The following POU2F1 variants were observed in gnomAD, a reference collection of about 807,000 sequenced individuals.
The protein encoded by POU2F1 is POU domain, class 2, transcription factor 1.
Under a neutral mutation model 84.9 loss-of-function variants are expected in POU2F1, and 16 were observed. The ratio of observed to expected loss-of-function variants is 0.19; its 90% CI spans 0.13 to 0.29. POU2F1 has a LOEUF of 0.29. POU2F1 is among the 10% of genes least tolerant of loss of function. The pLI, the probability that POU2F1 is intolerant of heterozygous loss-of-function variation, is 1.00. For synonymous variants in POU2F1, 368 were observed against 368.3 expected (o/e 1.00, Z 0.01); for missense variants, 738 against 942.6 (o/e 0.78, Z 2.84).
chr1:167,282,077 A>G (rs1489552856), intron 1 of POU2F1, among the ~76,000 whole-genome samples: 2 of 151,494 alleles, frequency 1.3e-5, no homozygotes, highest in Non-Finnish European at 2.9e-5. Context: ...CTCCCTCACT[A>G]TTTTCATACT....
At chr1:167,353,959 A>G (rs954350932) in intron 2 of POU2F1, among the ~76,000 whole-genome samples, 10 of 152,182 alleles carry the variant, frequency 6.6e-5, no homozygotes, top group Admixed American at 4.6e-4. Flanking sequence ...TTCCATCTAC[A>G]TATTTATCCT....
chr1:167,293,424 G>A (rs1180124098), intron 1 of POU2F1, among the ~76,000 whole-genome samples: 1 of 152,092 alleles, frequency 6.6e-6, no homozygotes, highest in East Asian at 1.9e-4. Context: ...TAACCAAGGA[G>A]GTGAAAGATC....
chr1:167,384,423 G>C lies in POU2F1; in HGVS notation c.813+472G>C, dbSNP rs61196957. On this transcript the variant is annotated intron_variant, in intron 8 of 15. Coordinates refer to ENST00000367866, the MANE Select transcript of POU2F1 (RefSeq NM_002697.4). ...ACTATAATTATATTAAAAAAATTTA[G>C]ACATATAAAGGTTTAAATTATAGAC... Among the ~76,000 whole-genome samples, 412 of 152,028 alleles carry C rather than the reference G, an allele frequency of 2.7e-3. 1 individual carries two copies. The highest frequency in any genetic ancestry group is 9.5e-3 in the African/African-American group (393 of 41,492).
rs1571480019 is a variant in POU2F1, at chr1:167,417,023, A to C, written c.*1213A>C. The C allele has an allele frequency of 6.6e-6, 1 of 152,346 alleles. No homozygotes were observed. Among genetic ancestry groups the C allele is most frequent in the East Asian group, 1.9e-4 (1 of 5,192 alleles). The allele number at this position is 152,346 out of a possible 1,614,324, so 9.4% of individuals were successfully genotyped here. ...CAAAGAAAAAAAACTGACTTACTGA[A>C]ATTGGGAAACTTTTCCCTTCTTTTA... is the stretch of plus-strand genomic sequence containing the variant. On this transcript the variant is annotated 3_prime_UTR_variant, in exon 16 of 16. Coordinates refer to ENST00000367866, the MANE Select transcript of POU2F1 (RefSeq NM_002697.4).
chr1:167,324,168 TA>T (rs1393330946), intron 1 of POU2F1, among the ~76,000 whole-genome samples: 2 of 152,152 alleles, frequency 1.3e-5, no homozygotes, highest in African/African-American at 4.8e-5. Context: ...TAAATTATTC[TA>T]AAAAAATAGA....
intron 1 of POU2F1, among the ~76,000 whole-genome samples, chr1:167,319,606 A>G (rs1176942738): frequency 1.3e-5 from 2 of 151,966 alleles, no homozygotes; most frequent in Non-Finnish European, 2.9e-5. Context: ...CTTGGCTAGT[A>G]TAGCCTGGGG....
In POU2F1 at chr1:167,411,976, T is replaced by A. The variant is rs766288047; in HGVS notation, c.1573T>A (p.Ser525Thr). Residue 525 changes from serine to threonine, a missense_variant, in exon 14 of 16, where the codon TCC (serine) becomes ACC (threonine). Coordinates refer to ENST00000367866, the MANE Select transcript of POU2F1 (RefSeq NM_002697.4). ...LSVTGTSDTT[S>T]NNTATVISTA... is the part of the protein sequence containing the mutation. ...CTTTTCAGGCACTTCAGACACCACC[T>A]CCAACAACACAGCAACCGTGATTTC... 4 of 1,612,812 alleles carry A rather than the reference T, an allele frequency of 2.5e-6. No homozygotes were observed. The highest frequency in any genetic ancestry group is 1.3e-5 in the African/African-American group (1 of 74,888).
intron 1 of POU2F1, among the ~76,000 whole-genome samples, chr1:167,289,889 A>T (rs902679293): frequency 2.2e-4 from 34 of 152,216 alleles, no homozygotes; most frequent in African/African-American, 7.2e-4. Context: ...TTGCCAAATT[A>T]GTTGAATTAT....
intron 1 of POU2F1, among the ~76,000 whole-genome samples, chr1:167,256,016 CTTCAGGA>C (rs1354592906): frequency 1.3e-5 from 2 of 152,132 alleles, no homozygotes; most frequent in Non-Finnish European, 2.9e-5. Context: ...GTTTACTTTG[CTTCAGGA>C]TTCAGGATTG....
chr1:167,371,574 T>C (rs1660000740), intron 4 of POU2F1, among the ~76,000 whole-genome samples: 1 of 152,166 alleles, frequency 6.6e-6, no homozygotes, highest in Non-Finnish European at 1.5e-5. Context: ...TGTTAAAATA[T>C]TGGTTTGGAA....
chr1:167,224,266 T>A (rs1426530343), intron 1 of POU2F1, among the ~76,000 whole-genome samples: 1 of 152,214 alleles, frequency 6.6e-6, no homozygotes, highest in Non-Finnish European at 1.5e-5. Context: ...TCCCCCAGAC[T>A]TTTATAAGAA....
At chr1:167,348,678 T>C (rs1658361311) in intron 2 of POU2F1, among the ~76,000 whole-genome samples, 1 of 152,322 alleles carries the variant, frequency 6.6e-6, no homozygotes, top group South Asian at 2.1e-4. Context: ...AATAATGAGA[T>C]GAGAATGGGC....
rs1388247000 is a variant in POU2F1 at position 167,419,164 on chromosome 1, TA to T, written c.*3356del. ...ATTTTGAATTGAATGAACTATCTTC[TA>T]AGCTAAGATACTCAAATTTAACTTT... On this transcript the variant is annotated 3_prime_UTR_variant, in exon 16 of 16. Transcript: ENST00000367866. 1 of 152,182 alleles carries T rather than the reference TA, an allele frequency of 6.6e-6. No homozygotes were observed. The highest frequency in any genetic ancestry group is 6.5e-5 in the Admixed American group (1 of 15,280). 9.4% of individuals were successfully genotyped at this position (152,182 alleles called of 1,614,324 possible). A position where few individuals can be genotyped will look rare whatever the true frequency, so the allele number is the denominator to read the frequency against.
intron 1 of POU2F1, among the ~76,000 whole-genome samples, chr1:167,309,917 A>G (rs1021892406): frequency 6.6e-5 from 10 of 152,204 alleles, no homozygotes; most frequent in African/African-American, 2.4e-4. Flanking sequence ...TTTATGAAGA[A>G]CAATAAGGAC....
chr1:167,237,766 A>AAATTTTTTTTTTTTTT (rs1557836583), intron 1 of POU2F1, among the ~76,000 whole-genome samples: 3 of 58,034 alleles, frequency 5.2e-5, no homozygotes, highest in Non-Finnish European at 6.6e-5. Flanking sequence ...ATATATATAT[A>AAATTTTTTTTTTTTTT]TATATATTTT....
intron 1 of POU2F1, among the ~76,000 whole-genome samples, chr1:167,230,518 C>T (rs997516059): frequency 1.3e-5 from 2 of 152,068 alleles, no homozygotes; most frequent in Non-Finnish European, 2.9e-5. Flanking sequence ...TCCACAGTAG[C>T]TTTTGAGGCA....
Position 167,398,102 on chromosome 1 carries a change from T to C in POU2F1, c.1238T>C (p.Ile413Thr), listed in dbSNP as rs1648940235. 8 of 1,614,078 alleles carry C rather than the reference T, an allele frequency of 5.0e-6. No individual in the cohort carries two copies. The highest frequency in any genetic ancestry group is 6.8e-6 in the Non-Finnish European group (8 of 1,179,980). Residue 413 changes from isoleucine to threonine, a missense_variant, in exon 11 of 16, where the codon ATC (isoleucine) becomes ACC (threonine). Physicochemically the swap from Ile to Thr is moderately conservative, Grantham distance 89 (BLOSUM62 -1). Transcript: ENST00000367866. Reference sequence around the variant, plus strand: ...AAACGCACCAGCATAGAGACCAACATCCGTGTGGCCTTAGAGAAGAGTTTC... The same window carrying C: ...AAACGCACCAGCATAGAGACCAACACCCGTGTGGCCTTAGAGAAGAGTTTC... The part of the protein sequence containing the change: ...RKKRTSIETN[I>T]RVALEKSFLE...
chr1:167,305,622 TA>T (rs548658399), intron 1 of POU2F1, among the ~76,000 whole-genome samples: 158 of 152,376 alleles, frequency 1.0e-3, no homozygotes, highest in Non-Finnish European at 1.9e-3. Flanking sequence ...TATGCTATTC[TA>T]AATGAGAAGG....
intron 1 of POU2F1, among the ~76,000 whole-genome samples, chr1:167,231,060 C>CA (rs1376765077): frequency 6.6e-6 from 1 of 152,120 alleles, no homozygotes; most frequent in Non-Finnish European, 1.5e-5. Flanking sequence ...GTTAATGCAC[C>CA]AGAAAGGCCC....
Sources: gnomAD v4.1 joint callset for allele counts (sites outside exome capture counted in the v4.1 genomes callset) on GRCh38, gnomAD v4.1.1 for gene constraint, MANE v1.5 for transcripts, NCBI Gene and HGNC (gene_info 2026-07-23, HGNC 2026-07-21) for gene names.